Variants in SMIM36 observed in about 807,000 individuals in gnomAD.
The protein encoded by SMIM36 is small integral membrane protein 36.
intron 1 of SMIM36, among the ~76,000 whole-genome samples, chr17:55,483,919 T>C (rs892516194): frequency 2.6e-5 from 4 of 152,192 alleles, no homozygotes; most frequent in Non-Finnish European, 4.4e-5. Context: ...TGAGCCACCG[T>C]GCTTGGCCTG....
At chr17:55,470,233 G>T (rs1381518501) in intron 3 of SMIM36, among the ~76,000 whole-genome samples, 1 of 152,088 alleles carries the variant, frequency 6.6e-6, no homozygotes, top group Non-Finnish European at 1.5e-5. Flanking sequence ...AAGACTCTCT[G>T]ACTGACTCCT....
intron 3 of SMIM36, among the ~76,000 whole-genome samples, chr17:55,467,824 C>G (rs1909268669): frequency 6.6e-6 from 1 of 152,198 alleles, no homozygotes; most frequent in African/African-American, 2.4e-5. Flanking sequence ...TGACCTGCAA[C>G]TGAAGAACCA....
intron 3 of SMIM36, among the ~76,000 whole-genome samples, chr17:55,473,260 C>T (rs1433436976): frequency 1.3e-5 from 2 of 152,174 alleles, no homozygotes; most frequent in African/African-American, 4.8e-5. Context: ...GCCACCAGCC[C>T]CCAAGGCTTT....
At chr17:55,512,185 T>C (rs1910193177), upstream of SMIM36, among the ~76,000 whole-genome samples, 1 of 152,110 alleles carries the variant, frequency 6.6e-6, no homozygotes, top group Non-Finnish European at 1.5e-5. Flanking sequence ...TTTAGCTAAG[T>C]GAGAAGAGAC....
At chr17:55,462,804 C>T (rs1396298842) in intron 4 of SMIM36, among the ~76,000 whole-genome samples, 2 of 151,688 alleles carry the variant, frequency 1.3e-5, no homozygotes, top group Admixed American at 6.6e-5. Context: ...TAGGTCAGGC[C>T]CAGAGACAGA....
chr17:55,497,275 A>G (rs1909826302), intron 1 of SMIM36, among the ~76,000 whole-genome samples: 2 of 151,634 alleles, frequency 1.3e-5, no homozygotes, highest in South Asian at 2.1e-4. Flanking sequence ...TTTATTATTT[A>G]TTTTTTGAAA....
chr17:55,475,261 G>C (rs1344623111), intron 3 of SMIM36, among the ~76,000 whole-genome samples: 1 of 152,076 alleles, frequency 6.6e-6, no homozygotes, highest in Non-Finnish European at 1.5e-5. Context: ...GATATCTCCT[G>C]GTACTATCCC....
At chr17:55,481,338 C>T (rs12150374) in intron 1 of SMIM36, among the ~76,000 whole-genome samples, 88,464 of 151,982 alleles carry the variant, frequency 0.58, 26,635 homozygotes, top group Middle Eastern at 0.7. Flanking sequence ...AATAGGTAGA[C>T]ATACTGAAAG....
At chr17:55,455,429 C>A (rs1002116157) in intron 4 of SMIM36, among the ~76,000 whole-genome samples, 1 of 142,406 alleles carries the variant, frequency 7.0e-6, no homozygotes, top group Admixed American at 7.6e-5. Flanking sequence ...TGTGCTTTTT[C>A]TCCCTAGATG....
At chr17:55,513,106 T>C (rs1241657734), upstream of SMIM36, among the ~76,000 whole-genome samples, 1 of 152,220 alleles carries the variant, frequency 6.6e-6, no homozygotes, top group Non-Finnish European at 1.5e-5. Flanking sequence ...TTGGAATCTA[T>C]TGGGTCTCTT....
chr17:55,462,332 A>G (rs531159328), intron 4 of SMIM36, among the ~76,000 whole-genome samples: 4 of 152,298 alleles, frequency 2.6e-5, no homozygotes. Context: ...TGCCATGTGC[A>G]GGGCATGGTG....
exon 1 of SMIM36, chr17:55,510,963 A>G: frequency 2.5e-6 from 1 of 397,338 alleles, no homozygotes; most frequent in Non-Finnish European, 4.4e-6. Context: ...CAAGCGGGAT[A>G]CATGTGCTGA....
chr17:55,512,540 T>A (rs1056433981), upstream of SMIM36, among the ~76,000 whole-genome samples: 5 of 152,268 alleles, frequency 3.3e-5, no homozygotes, highest in African/African-American at 1.2e-4. Context: ...ATTACAGTTA[T>A]TCCTTGATGT....
At chr17:55,508,989 C>T (rs546105598) in intron 1 of SMIM36, among the ~76,000 whole-genome samples, 12 of 149,924 alleles carry the variant, frequency 8.0e-5, no homozygotes, top group African/African-American at 2.9e-4. Context: ...AACAAATTTC[C>T]TCTGAAGGGT....
At chr17:55,502,986 G>A (rs1010495016) in intron 1 of SMIM36, among the ~76,000 whole-genome samples, 3 of 151,548 alleles carry the variant, frequency 2.0e-5, no homozygotes, top group Admixed American at 6.6e-5. Flanking sequence ...AATGGAAGAC[G>A]AAATGAATGA....
In SMIM36 at chr17:55,501,872, G is replaced by A. The variant is rs571782737; in HGVS notation, c.*174+9007C>T. ...GGTGGGCGCAGGCCAGTGGGTGCGC[G>A]CACAGTGCGCGAGCCGAAGCAAGGC... On this transcript the variant is annotated intron_variant, in intron 1 of 4. Transcript: ENST00000636752. Among the ~76,000 whole-genome samples, 10 of 116,582 alleles carry A rather than the reference G, an allele frequency of 8.6e-5. No homozygotes were observed. The South Asian group carries it at 2.3e-3, about 26-fold the overall frequency. 76.5% of individuals were successfully genotyped at this position (116,582 alleles called of 152,430 possible).
rs568772299 is a variant in SMIM36 at position 55,508,649 on chromosome 17, G to A, written c.*174+2230C>T. On this transcript the variant is annotated intron_variant, in intron 1 of 4. Coordinates refer to ENST00000636752, the Ensembl canonical transcript of SMIM36. Reference sequence around the variant, plus strand: ...ATAAAAGTGAAGATGGTGGCTGAGCGCGGTGGCTCACGCCTGTAAACCCAG... The same window carrying A: ...ATAAAAGTGAAGATGGTGGCTGAGCACGGTGGCTCACGCCTGTAAACCCAG... Among the ~76,000 whole-genome samples the A allele has an allele frequency of 2.3e-3, 347 of 151,578 alleles. 4 individuals carry two copies. Among genetic ancestry groups the A allele is most frequent in the African/African-American group, 7.8e-3 (323 of 41,360 alleles).
intron 4 of SMIM36, among the ~76,000 whole-genome samples, chr17:55,463,306 C>A (rs1909177845): frequency 6.6e-6 from 1 of 152,078 alleles, no homozygotes; most frequent in Non-Finnish European, 1.5e-5. Context: ...GTAATCCCAG[C>A]ACTTTGGGAG....
At chr17:55,485,666 T>TAATGTTAA (rs1431038153) in intron 1 of SMIM36, among the ~76,000 whole-genome samples, 3 of 152,240 alleles carry the variant, frequency 2.0e-5, no homozygotes, top group Non-Finnish European at 4.4e-5. Context: ...TATTTATAGT[T>TAATGTTAA]TATAGAATAA....
Sources: gnomAD v4.1 joint callset for allele counts (sites outside exome capture counted in the v4.1 genomes callset) on GRCh38, gnomAD v4.1.1 for gene constraint, MANE v1.5 for transcripts, NCBI Gene and HGNC (gene_info 2026-07-23, HGNC 2026-07-21) for gene names.